PDE10A: variants seen among roughly 807,000 people sequenced by gnomAD.
The protein encoded by PDE10A is phosphodiesterase 10A, also known as cAMP and cAMP-inhibited cGMP 3',5'-cyclic phosphodiesterase 10A.
In PDE10A, 39 loss-of-function variants were observed where a neutral mutation model predicts 97.7. The observed-to-expected ratio is 0.40, with a 90% CI of 0.31 to 0.52. PDE10A has a LOEUF of 0.52. Ranked by LOEUF, PDE10A falls within the 20% of genes least tolerant of loss-of-function variation. PDE10A has a pLI of 0.56. For missense variants in PDE10A, 731 were observed against 1,047.8 expected (o/e 0.70, Z 4.17); for synonymous variants, 371 against 376.8 (o/e 0.98, Z 0.18).
At chr6:165,341,694 T>A (rs891129039) in intron 19 of PDE10A, among the ~76,000 whole-genome samples, 1 of 152,220 alleles carries the variant, frequency 6.6e-6, no homozygotes, top group African/African-American at 2.4e-5. Flanking sequence ...TTTCTTGTCA[T>A]GTCATGACTT....
At chr6:165,648,851 C>T (rs1217629269) in intron 1 of PDE10A, among the ~76,000 whole-genome samples, 5 of 152,202 alleles carry the variant, frequency 3.3e-5, no homozygotes, top group Non-Finnish European at 5.9e-5. Context: ...ACCTTTCACA[C>T]AAAGGCATTC....
Position 165,647,530 on chromosome 6 carries a change from C to T in PDE10A, c.865+14417G>A, listed in dbSNP as rs992535946. 1.7e-4 allele frequency among the ~76,000 whole-genome samples: 25 copies of T among 147,164 alleles called. No homozygotes were observed. The South Asian group carries it at 2.0e-3, about 12-fold the overall frequency. On this transcript the variant is annotated intron_variant, in intron 1 of 21. Transcript: ENST00000539869. ...GAAGAAGCATTCTAATGACAATCCCCTTTTTTTTTTTAGTTCTTTTTCCAA... is the reference window on the plus strand; with the variant it reads ...GAAGAAGCATTCTAATGACAATCCCTTTTTTTTTTTTAGTTCTTTTTCCAA...
intron 1 of PDE10A, among the ~76,000 whole-genome samples, chr6:165,760,736 A>C (rs757050052): frequency 3.3e-5 from 5 of 152,198 alleles, no homozygotes; most frequent in African/African-American, 7.2e-5. Flanking sequence ...TGATGTGGGC[A>C]CTATTATTTT....
chr6:165,948,975 G>A (rs1383709401), intron 1 of PDE10A: 1 of 152,246 alleles, frequency 6.6e-6, no homozygotes, highest in Non-Finnish European at 1.5e-5. Context: ...CATCGCATCT[G>A]TCTTGCCACA....
At chr6:165,588,381 C>T (rs1049506471) in intron 1 of PDE10A, among the ~76,000 whole-genome samples, 4 of 147,644 alleles carry the variant, frequency 2.7e-5, no homozygotes, top group African/African-American at 1.0e-4. Flanking sequence ...ACCTCCACCT[C>T]CTAGGTTCAA....
rs1781254588 is a variant in PDE10A at position 165,330,075 on chromosome 6, A to T, written c.*2950T>A. 6.6e-6 allele frequency: 1 copy of T among 152,232 alleles called. No homozygotes were observed. Among genetic ancestry groups the T allele is most frequent in the Non-Finnish European group, 1.5e-5 (1 of 68,028 alleles). 9.4% of individuals were successfully genotyped at this position (152,232 alleles called of 1,614,324 possible). ...TTTCCAAGGACATTTTTAGCTAAAA[A>T]ACATATTCACTGTGTCCAAAAAGAT... On this transcript the variant is annotated 3_prime_UTR_variant, in exon 22 of 22. Transcript: ENST00000539869.
chr6:165,443,843 T>C (rs775438490), intron 5 of PDE10A, among the ~76,000 whole-genome samples: 2 of 152,156 alleles, frequency 1.3e-5, no homozygotes, highest in Non-Finnish European at 2.9e-5. Flanking sequence ...ATGAAACCAT[T>C]TTTCCTAGGC....
intron 1 of PDE10A, among the ~76,000 whole-genome samples, chr6:165,636,277 A>T (rs751812792): frequency 6.6e-6 from 1 of 152,132 alleles, no homozygotes; most frequent in Non-Finnish European, 1.5e-5. Context: ...TTCACTGGCT[A>T]TGTGAAAAGG....
In PDE10A at chr6:165,724,978, G is replaced by A. The variant is rs932210337; in HGVS notation, c.-614-181410C>T. Reference sequence around the variant, plus strand: ...GTCCCTGGCAAAGGCTCCACCCTCCGGCCTGTGCCCACAGACCTAGGTGAG... The same window carrying A: ...GTCCCTGGCAAAGGCTCCACCCTCCAGCCTGTGCCCACAGACCTAGGTGAG... On this transcript the variant is annotated intron_variant, in intron 1 of 19. Transcript: ENST00000366882. Among the ~76,000 whole-genome samples the A allele has an allele frequency of 7.2e-5, 11 of 152,250 alleles. No individual in the cohort carries two copies. The East Asian group carries it at 9.7e-4, about 13-fold the overall frequency.
intron 1 of PDE10A, among the ~76,000 whole-genome samples, chr6:165,647,383 G>C (rs74478864): frequency 1.2e-4 from 18 of 152,316 alleles, no homozygotes; most frequent in Non-Finnish European, 1.8e-4. Flanking sequence ...AGACAGGACC[G>C]AGTGAAGGCG....
chr6:165,385,063 T>C (rs932986660), intron 17 of PDE10A, among the ~76,000 whole-genome samples: 3 of 152,166 alleles, frequency 2.0e-5, no homozygotes, highest in African/African-American at 7.2e-5. Context: ...AACTATATAT[T>C]GTTCTTATTT....
At chr6:165,985,765 T>A (rs1268278943) in intron 1 of PDE10A, among the ~76,000 whole-genome samples, 1 of 152,132 alleles carries the variant, frequency 6.6e-6, no homozygotes, top group Non-Finnish European at 1.5e-5. Context: ...CCAATGCACA[T>A]GACAGCCAGG....
chr6:165,874,521 T>C (rs1185539790), intron 1 of PDE10A, among the ~76,000 whole-genome samples: 4 of 152,234 alleles, frequency 2.6e-5, no homozygotes, highest in Non-Finnish European at 4.4e-5. Context: ...ATAACTAGGT[T>C]TGTTTAAAAT....
chr6:165,952,125 A>G (rs537634707), intron 1 of PDE10A, among the ~76,000 whole-genome samples: 31 of 152,352 alleles, frequency 2.0e-4, no homozygotes, highest in African/African-American at 7.5e-4. Flanking sequence ...TGTGCATCTA[A>G]TACGTGCCCA....
At chr6:165,873,472 A>G (rs1484157236) in intron 1 of PDE10A, among the ~76,000 whole-genome samples, 1 of 152,120 alleles carries the variant, frequency 6.6e-6, no homozygotes, top group Non-Finnish European at 1.5e-5. Flanking sequence ...TTGTAATTTC[A>G]TATTATAAAT....
chr6:165,706,170 T>A (rs1791704681), intron 1 of PDE10A, among the ~76,000 whole-genome samples: 1 of 152,126 alleles, frequency 6.6e-6, no homozygotes, highest in Non-Finnish European at 1.5e-5. Flanking sequence ...AAAAAGATGA[T>A]CTGAGAGGCA....
At chr6:165,451,374 A>G (rs894423744) in intron 3 of PDE10A, among the ~76,000 whole-genome samples, 5 of 152,212 alleles carry the variant, frequency 3.3e-5, no homozygotes, top group African/African-American at 1.2e-4. Flanking sequence ...GTCTTACTAA[A>G]CCTAGTCTCA....
chr6:165,513,919 T>C (rs866002891), intron 2 of PDE10A, among the ~76,000 whole-genome samples: 1 of 152,302 alleles, frequency 6.6e-6, no homozygotes, highest in Middle Eastern at 3.4e-3. Flanking sequence ...ATGTTCTCCA[T>C]AAAAGATGTT....
At chr6:165,452,070 G>GC (rs1791336004) in intron 3 of PDE10A, among the ~76,000 whole-genome samples, 1 of 152,190 alleles carries the variant, frequency 6.6e-6, no homozygotes, top group South Asian at 2.1e-4. Context: ...TCCTAGGGAT[G>GC]CCCCCCTTCA....
Sources: allele counts gnomAD v4.1 joint callset (sites outside exome capture counted in the v4.1 genomes callset), GRCh38; gene constraint gnomAD v4.1.1; transcripts MANE v1.5; gene names NCBI Gene and HGNC (gene_info 2026-07-23, HGNC 2026-07-21).